Variants in MACROD2 observed in about 807,000 individuals in gnomAD.
The protein encoded by MACROD2 is ADP-ribose glycohydrolase MACROD2.
Under a neutral mutation model 70.4 loss-of-function variants are expected in MACROD2, and 36 were observed. The ratio of observed to expected loss-of-function variants is 0.51; its 90% CI spans 0.39 to 0.68. The LOEUF (loss-of-function observed/expected upper bound fraction) is 0.68, where lower values mean the gene tolerates loss of function less well. Among genes scored for constraint, MACROD2 ranks in the 30% least tolerant of loss-of-function variants. MACROD2 has a pLI of 0.00. For missense variants in MACROD2, 496 were observed against 538.4 expected (o/e 0.92, Z 0.78); for synonymous variants, 172 against 178.8 (o/e 0.96, Z 0.30).
intron 3 of MACROD2, among the ~76,000 whole-genome samples, chr20:14,153,748 T>C (rs2055056133): frequency 6.6e-6 from 1 of 152,226 alleles, no homozygotes; most frequent in Non-Finnish European, 1.5e-5. Context: ...AAAAAGTCCT[T>C]GATTAAAAGA....
At chr20:14,348,913 CAAG>C (rs1352327133) in intron 3 of MACROD2, among the ~76,000 whole-genome samples, 1 of 151,798 alleles carries the variant, frequency 6.6e-6, no homozygotes, top group African/African-American at 2.4e-5. Flanking sequence ...ACAAAAAATA[CAAG>C]AATTAGCTGG....
At position 14,737,783 on chromosome 20, in the gene MACROD2, C is replaced by A. The variant is rs562616003; in HGVS notation, c.418+52824C>A. On this transcript the variant is annotated intron_variant, in intron 5 of 17. Coordinates refer to ENST00000684519, the MANE Select transcript of MACROD2 (RefSeq NM_001351661.2). ...GAAGTGTCTGTTCATATCCTTCATC[C>A]GCTTTTTGATGGGGTTGTTTTTTTC... 2.0e-5 allele frequency among the ~76,000 whole-genome samples: 3 copies of A among 152,116 alleles called. No individual in the cohort carries two copies. In the South Asian group the frequency reaches 6.2e-4, roughly 32 times the overall value.
chr20:15,533,175 C>T (rs1316456216), intron 8 of MACROD2, among the ~76,000 whole-genome samples: 1 of 152,090 alleles, frequency 6.6e-6, no homozygotes, highest in Non-Finnish European at 1.5e-5. Context: ...CTGGATGTGC[C>T]CTTTAAATAA....
intron 3 of MACROD2, among the ~76,000 whole-genome samples, chr20:14,201,650 G>T (rs2081480575): frequency 6.6e-6 from 1 of 152,100 alleles, no homozygotes; most frequent in East Asian, 1.9e-4. Flanking sequence ...GACCAGCCTG[G>T]CCAAGATGGT....
At chr20:15,786,113 C>A (rs541910846) in intron 8 of MACROD2, among the ~76,000 whole-genome samples, 2 of 148,852 alleles carry the variant, frequency 1.3e-5, no homozygotes, top group East Asian at 2.0e-4. Context: ...ATAAGATGGA[C>A]TAAAATTAAA....
chr20:15,048,548 G>A (rs563794227), intron 5 of MACROD2, among the ~76,000 whole-genome samples: 4 of 151,512 alleles, frequency 2.6e-5, no homozygotes, highest in South Asian at 2.1e-4. Context: ...GTATGTGAAC[G>A]TGTTACACAA....
At chr20:15,358,212 A>G (rs1217965169) in intron 6 of MACROD2, among the ~76,000 whole-genome samples, 1 of 152,200 alleles carries the variant, frequency 6.6e-6, no homozygotes, top group Non-Finnish European at 1.5e-5. Flanking sequence ...GTTACTGAGC[A>G]TAGAGATTAC....
chr20:14,964,421 A>G (rs186818835), intron 5 of MACROD2, among the ~76,000 whole-genome samples: 2,400 of 152,006 alleles, frequency 0.016, 61 homozygotes, highest in African/African-American at 0.053. Flanking sequence ...AAATACAAAA[A>G]AATTAGCCGG....
At chr20:15,527,636 C>T (rs139211465) in intron 8 of MACROD2, among the ~76,000 whole-genome samples, 1 of 152,144 alleles carries the variant, frequency 6.6e-6, no homozygotes, top group Non-Finnish European at 1.5e-5. Flanking sequence ...ATCTGATCAT[C>T]AGTGTAAGGC....
chr20:15,765,467 C>G (rs1452353360), intron 8 of MACROD2, among the ~76,000 whole-genome samples: 4 of 152,152 alleles, frequency 2.6e-5, no homozygotes, highest in Non-Finnish European at 4.4e-5. Flanking sequence ...CAGAAACATT[C>G]ATTATTGAAC....
intron 2 of MACROD2, among the ~76,000 whole-genome samples, chr20:14,022,533 C>G (rs918064408): frequency 1.3e-5 from 2 of 150,486 alleles, no homozygotes; most frequent in Non-Finnish European, 2.9e-5. Flanking sequence ...CCATGGTTTG[C>G]TGCACCCATC....
intron 10 of MACROD2, among the ~76,000 whole-genome samples, chr20:15,889,692 C>T (rs2064864784): frequency 6.6e-6 from 1 of 152,134 alleles, no homozygotes; most frequent in Admixed American, 6.5e-5. Context: ...CATGTCCTTT[C>T]ATTTCCATGA....
chr20:14,194,012 C>T (rs1020395006), intron 3 of MACROD2, among the ~76,000 whole-genome samples: 53 of 152,246 alleles, frequency 3.5e-4, no homozygotes, highest in African/African-American at 1.3e-3. Context: ...TTTCACACAG[C>T]GCAGATTAAG....
intron 5 of MACROD2, among the ~76,000 whole-genome samples, chr20:14,828,731 G>A (rs1440055603): frequency 2.0e-5 from 3 of 152,058 alleles, no homozygotes; most frequent in Non-Finnish European, 2.9e-5. Flanking sequence ...AAAGGGGCAG[G>A]TGTAATGAGT....
At chr20:15,561,776 G>A (rs373648032) in intron 8 of MACROD2, among the ~76,000 whole-genome samples, 7 of 151,952 alleles carry the variant, frequency 4.6e-5, no homozygotes, top group Non-Finnish European at 7.4e-5. Context: ...TTTTTCTTCC[G>A]TAGCCATGTG....
At chr20:14,133,645 T>G (rs138337597) in intron 3 of MACROD2, among the ~76,000 whole-genome samples, 6 of 152,346 alleles carry the variant, frequency 3.9e-5, no homozygotes, top group African/African-American at 1.2e-4. Flanking sequence ...GAGATGTGAA[T>G]AAAGTGAAGG....
intron 4 of MACROD2, chr20:14,627,035 A>T (rs1002692984): frequency 2.0e-5 from 3 of 152,182 alleles, no homozygotes; most frequent in Admixed American, 1.3e-4. Context: ...AGTTTGTCCC[A>T]CTAACTTTCC....
chr20:15,840,948 C>A (rs1399718657), intron 8 of MACROD2, among the ~76,000 whole-genome samples: 1 of 152,086 alleles, frequency 6.6e-6, no homozygotes, highest in African/African-American at 2.4e-5. Flanking sequence ...ACAAGAAAAC[C>A]TTCTGAAGGC....
chr20:15,200,220 C>T (rs1343720936), intron 5 of MACROD2, among the ~76,000 whole-genome samples: 1 of 152,112 alleles, frequency 6.6e-6, no homozygotes, highest in East Asian at 1.9e-4. Flanking sequence ...AGATAGTCTC[C>T]CCCACCCTCT....
Sources: gnomAD v4.1 joint callset for allele counts (sites outside exome capture counted in the v4.1 genomes callset) on GRCh38, gnomAD v4.1.1 for gene constraint, MANE v1.5 for transcripts, NCBI Gene and HGNC (gene_info 2026-07-23, HGNC 2026-07-21) for gene names.